PCDHA9: variants seen among roughly 807,000 people sequenced by gnomAD.
PCDHA9 encodes protocadherin alpha 9.
Under a neutral mutation model 62.0 loss-of-function variants are expected in PCDHA9, and 62 were observed. The ratio of observed to expected loss-of-function variants is 1.00; its 90% confidence interval spans 0.81 to 1.23. The LOEUF is 1.23. PCDHA9 is among the 50% of genes most tolerant of loss of function. PCDHA9 has a pLI of 0.00. For synonymous variants in PCDHA9, 557 were observed against 567.6 expected, an observed-to-expected ratio of 0.98 and a Z score of 0.27; for missense variants, 1,205 against 1,249.8, an observed-to-expected ratio of 0.96 and a Z score of 0.54.
chr5:140,892,448 A>G (rs973072554), intron 1 of PCDHA9, among the ~76,000 whole-genome samples: 13 of 152,292 alleles, frequency 8.5e-5, no homozygotes, highest in African/African-American at 2.9e-4. Context: ...ATTTACATGT[A>G]TTCTTTAAGT....
At chr5:140,946,679 CG>C (rs1355438071) in intron 1 of PCDHA9, among the ~76,000 whole-genome samples, 1 of 144,750 alleles carries the variant, frequency 6.9e-6, no homozygotes, top group Non-Finnish European at 1.5e-5. Flanking sequence ...TCCTGTCATT[CG>C]TGACAATATG....
At chr5:140,971,732 T>C (rs1554233582) in intron 1 of PCDHA9, among the ~76,000 whole-genome samples, 2 of 151,638 alleles carry the variant, frequency 1.3e-5, no homozygotes, top group African/African-American at 4.8e-5. Flanking sequence ...ATCATACATA[T>C]ACACATACAT....
chr5:140,977,701 G>A (rs1299788207), intron 1 of PCDHA9, among the ~76,000 whole-genome samples: 2 of 152,146 alleles, frequency 1.3e-5, no homozygotes, highest in African/African-American at 4.8e-5. Context: ...AAATCTGTCT[G>A]AATATTGAGA....
intron 2 of PCDHA9, among the ~76,000 whole-genome samples, chr5:140,979,807 A>G (rs376087021): frequency 1.3e-4 from 20 of 152,376 alleles, no homozygotes; most frequent in African/African-American, 4.1e-4. Flanking sequence ...CACAACTATC[A>G]AAAGGATTTA....
intron 3 of PCDHA9, among the ~76,000 whole-genome samples, chr5:140,985,246 T>C (rs2097143888): frequency 6.6e-6 from 1 of 152,110 alleles, no homozygotes; most frequent in African/African-American, 2.4e-5. Flanking sequence ...CTAATCTTCT[T>C]ACTCTTTTTT....
intron 1 of PCDHA9, among the ~76,000 whole-genome samples, chr5:140,976,828 C>G (rs935294640): frequency 6.6e-6 from 1 of 152,262 alleles, no homozygotes; most frequent in Admixed American, 6.5e-5. Flanking sequence ...GTCTAATGAG[C>G]AAAACAGATA....
intron 1 of PCDHA9, among the ~76,000 whole-genome samples, chr5:140,878,662 C>G (rs1479409326): frequency 6.6e-6 from 1 of 152,194 alleles, no homozygotes; most frequent in African/African-American, 2.4e-5. Context: ...CCAGAGGCTT[C>G]TCTTTAACCA....
At chr5:140,870,552 G>T in intron 1 of PCDHA9, 4 of 1,614,042 alleles carry the variant, frequency 2.5e-6, no homozygotes, top group Non-Finnish European at 2.5e-6. Flanking sequence ...ACGCGGACGC[G>T]CAGGAGAACG....
chr5:140,853,580 T>C, intron 1 of PCDHA9: 2 of 984,120 alleles, frequency 2.0e-6, no homozygotes, highest in Non-Finnish European at 2.4e-6. Flanking sequence ...TCACCCAATA[T>C]CTTAGACACT....
rs2150250287 is a variant in PCDHA9, at chr5:140,848,810, C to T, written c.315C>T (p.His105=). The change falls in exon 1 of 4, where the codon CAC becomes CAT. Residue 105 remains histidine, a synonymous_variant. Coordinates refer to ENST00000532602, the MANE Select transcript of PCDHA9 (RefSeq NM_031857.2). ...GGCGGAGCGCGGAGTGCAGCATCCA[C>T]CTGGAGGTGATCGTAGACAGGCCGC... The part of the protein sequence containing the change: ...LCGRSAECSI[H]LEVIVDRPLQ... The T allele has an allele frequency of 6.3e-7, 1 of 1,591,698 alleles. No individual in the cohort carries two copies. The highest frequency in any genetic ancestry group is 2.2e-5 in the East Asian group (1 of 44,788).
At chr5:140,915,290 C>G (rs1583944127) in intron 1 of PCDHA9, among the ~76,000 whole-genome samples, 1 of 152,254 alleles carries the variant, frequency 6.6e-6, no homozygotes, top group African/African-American at 2.4e-5. Flanking sequence ...ACTCTTTCTA[C>G]TTAAGATAAG....
chr5:140,883,804 G>T (rs373228578), intron 1 of PCDHA9: 1 of 1,612,420 alleles, frequency 6.2e-7, no homozygotes, highest in African/African-American at 1.3e-5. Context: ...CGGTGCACGC[G>T]GAGAGCGGCA....
chr5:140,960,789 T>C (rs1221128371), intron 1 of PCDHA9, among the ~76,000 whole-genome samples: 3 of 152,058 alleles, frequency 2.0e-5, no homozygotes. Context: ...CCAAACAAGG[T>C]TTCTATTAAA....
intron 1 of PCDHA9, among the ~76,000 whole-genome samples, chr5:140,939,697 A>G (rs1327140175): frequency 6.6e-6 from 1 of 152,232 alleles, no homozygotes; most frequent in African/African-American, 2.4e-5. Context: ...GCTGGACATT[A>G]TCATTTGTGA....
At chr5:140,968,697 C>G in intron 1 of PCDHA9, 2 of 1,614,144 alleles carry the variant, frequency 1.2e-6, no homozygotes, top group South Asian at 2.2e-5. Flanking sequence ...GAAATTAGGA[C>G]TACCAGGAAG....
At position 140,850,172 on chromosome 5, in the gene PCDHA9, C is replaced by G. The variant is rs756590916; in HGVS notation, c.1677C>G (p.Asn559Lys). 10 of 1,594,266 alleles carry G rather than the reference C, an allele frequency of 6.3e-6. 1 individual carries two copies. The highest frequency in any genetic ancestry group is 1.3e-5 in the African/African-American group (1 of 74,338). Residue 559 changes from asparagine (N) to lysine (K), a missense_variant, in exon 1 of 4, where the codon AAC (asparagine) becomes AAG (lysine). By Grantham distance (94) the Asn-to-Lys change is moderately conservative (BLOSUM62 0). This residue lies in a region of PCDHA9 where 887 missense variants were observed against 809.5 expected (regional missense o/e 1.10). Coordinates refer to ENST00000532602, the MANE Select transcript of PCDHA9 (RefSeq NM_031857.2). ...VTLQVFVLDE[N>K]DNAPALLTPR... ...TGCAGGTGTTCGTGCTGGACGAGAA[C>G]GACAATGCGCCGGCGCTGCTGACAC... is the stretch of plus-strand genomic sequence containing the variant.
Position 140,947,404 on chromosome 5 carries a change from T to C in PCDHA9, c.2395-31545T>C, listed in dbSNP as rs1305199507. On this transcript the variant is annotated intron_variant, in intron 1 of 3. Transcript: ENST00000532602. ...ATCCTTTCACTAAAAGTAGACTGTC[T>C]TGATATTGTAGCTTTATAAATTTGA... is the stretch of plus-strand genomic sequence containing the variant. Among the ~76,000 whole-genome samples the C allele has an allele frequency of 2.6e-5, 4 of 151,736 alleles. No individual in the cohort carries two copies. In the East Asian group the frequency reaches 5.8e-4, roughly 22 times the overall value.
intron 1 of PCDHA9, chr5:140,967,281 C>G: frequency 2.5e-6 from 4 of 1,613,102 alleles, no homozygotes; most frequent in Non-Finnish European, 3.4e-6. Flanking sequence ...ATAGAGAGTG[C>G]GCAGGACCCC....
chr5:140,903,049 A>G (rs2069961526), intron 1 of PCDHA9, among the ~76,000 whole-genome samples: 1 of 152,080 alleles, frequency 6.6e-6, no homozygotes, highest in Non-Finnish European at 1.5e-5. Flanking sequence ...TTTTCATGTA[A>G]TGACTTCTTT....
Sources: gnomAD v4.1 joint callset for allele counts (sites outside exome capture counted in the v4.1 genomes callset) on GRCh38, gnomAD v4.1.1 for gene constraint, gnomAD v4.1.1 regional missense constraint, MANE v1.5 for transcripts, NCBI Gene and HGNC (gene_info 2026-07-23, HGNC 2026-07-21) for gene names.